Variants in ANKRD27 observed in about 807,000 individuals in gnomAD.
The protein encoded by ANKRD27 is ankyrin repeat domain 27.
Under a neutral mutation model 129.7 loss-of-function variants are expected in ANKRD27, and 112 were observed. The ratio of observed to expected loss-of-function variants is 0.86; its 90% confidence interval spans 0.74 to 1.01. ANKRD27 has a LOEUF of 1.01. Among genes scored for constraint, ANKRD27 ranks in the 50% least tolerant of loss-of-function variants. The pLI, the probability that ANKRD27 is intolerant of heterozygous loss-of-function variation, is 0.00. For missense variants in ANKRD27, 1,258 were observed against 1,300.5 expected (o/e 0.97, Z 0.50); for synonymous variants, 516 against 511.2 (o/e 1.01, Z -0.13).
chr19:32,644,223 G>T, intron 5 of ANKRD27, 102 bp downstream of exon 5: 1 of 1,319,242 alleles, frequency 7.6e-7, no homozygotes, highest in Non-Finnish European at 1.1e-6. Context: ...ACTTCAAACA[G>T]TGAGGCAGCA....
chr19:32,671,930 G>C (rs950039789), intron 1 of ANKRD27, among the ~76,000 whole-genome samples: 2 of 152,188 alleles, frequency 1.3e-5, no homozygotes, highest in African/African-American at 4.8e-5. Flanking sequence ...ATGAACAGGA[G>C]AGCCATGTGA....
At chr19:32,641,547 C>T (rs957415911) in intron 10 of ANKRD27, among the ~76,000 whole-genome samples, 1 of 152,162 alleles carries the variant, frequency 6.6e-6, no homozygotes, top group Non-Finnish European at 1.5e-5. Flanking sequence ...CCCAGAGGCT[C>T]CTGCTGTTGC....
intron 1 of ANKRD27, among the ~76,000 whole-genome samples, chr19:32,661,103 G>A (rs1967635208): frequency 1.3e-5 from 2 of 151,482 alleles, no homozygotes; most frequent in African/African-American, 4.9e-5. Context: ...AAGGAGGCTG[G>A]GGCAGGAGAA....
At chr19:32,643,721 G>C (rs1967247555) in intron 5 of ANKRD27, 90 bp from the exon 6 acceptor site, 1 of 1,330,916 alleles carries the variant, frequency 7.5e-7, no homozygotes, top group Admixed American at 1.7e-5. Context: ...AGAGCTTCAA[G>C]TGCTAACACA....
chr19:32,619,512 C>T lies in ANKRD27; in HGVS notation c.1869G>A (p.Arg623=), dbSNP rs778120571. The T allele has an allele frequency of 6.2e-7, 1 of 1,614,146 alleles. No individual in the cohort carries two copies. The highest frequency in any genetic ancestry group is 8.5e-7 in the Non-Finnish European group (1 of 1,180,032). The change falls in exon 19 of 29, where the codon AGG becomes AGA. Residue 623 remains arginine, a synonymous_variant. Coordinates refer to ENST00000306065, the MANE Select transcript of ANKRD27 (RefSeq NM_032139.3). ...GACTTACCTCGGACGACTTCTGCCT[C>T]CTCTCGAAGGACAGGTGATAGGCTT... The part of the protein sequence containing the change: ...VMEAYHLSFE[R]RQKSSEAPVQ...
At chr19:32,668,474 TC>T (rs1433294006) in intron 1 of ANKRD27, among the ~76,000 whole-genome samples, 28 of 108,088 alleles carry the variant, frequency 2.6e-4, no homozygotes, top group Non-Finnish European at 5.5e-4. Flanking sequence ...CTTATCTTCA[TC>T]TTTTTTTTTT....
In ANKRD27 at chr19:32,636,438, A is replaced by G. The variant is rs543593787; in HGVS notation, c.1116+2918T>C. 2.0e-5 allele frequency: 3 copies of G among 152,364 alleles called. No individual in the cohort carries two copies. The East Asian group carries it at 5.8e-4, about 29-fold the overall frequency. 9.4% of individuals were successfully genotyped at this position (152,364 alleles called of 1,614,324 possible). On this transcript the variant is annotated intron_variant, in intron 12 of 28. Coordinates refer to ENST00000306065, the MANE Select transcript of ANKRD27 (RefSeq NM_032139.3). ...GACTTTGGCAAAGAATCTCGGGCCA[A>G]GGATGTGATTGAGGAGTGCTTCACA...
chr19:32,606,588 T>C (rs775261054), intron 23 of ANKRD27, among the ~76,000 whole-genome samples: 5 of 152,244 alleles, frequency 3.3e-5, no homozygotes, highest in Non-Finnish European at 4.4e-5. Flanking sequence ...CTTCACCCGA[T>C]GTGCTGGGCG....
At chr19:32,648,968 G>GTT (rs67248583) in intron 3 of ANKRD27, among the ~76,000 whole-genome samples, 4,294 of 126,310 alleles carry the variant, frequency 0.034, 93 homozygotes, top group Middle Eastern at 0.075. Flanking sequence ...TTTTGGGTTT[G>GTT]TTTTTTTTTT....
chr19:32,644,616 T>A lies in ANKRD27; in HGVS notation c.371-137A>T, dbSNP rs902625494. 1.3e-5 allele frequency: 13 copies of A among 1,007,908 alleles called. No individual in the cohort carries two copies. The African/African-American group carries it at 2.1e-4, about 16-fold the overall frequency. The allele number at this position is 1,007,908 out of a possible 1,614,324, so 62.4% of individuals were successfully genotyped here. On this transcript the variant is annotated intron_variant, in intron 4 of 28. Coordinates refer to ENST00000306065, the MANE Select transcript of ANKRD27 (RefSeq NM_032139.3). ...AAGACACTACACAAGAACAGCCCAG[T>A]TACAGGACACCCTGGAGTCCAGAGA... is the stretch of plus-strand genomic sequence containing the variant.
At chr19:32,612,391 T>C (rs1208300260) in intron 22 of ANKRD27, among the ~76,000 whole-genome samples, 1 of 152,220 alleles carries the variant, frequency 6.6e-6, no homozygotes, top group Non-Finnish European at 1.5e-5. Context: ...AAAATTGATA[T>C]AGCTCAGACC....
intron 12 of ANKRD27, 130 bp downstream of exon 12, chr19:32,639,226 C>G: frequency 2.8e-6 from 3 of 1,089,784 alleles, no homozygotes; most frequent in Non-Finnish European, 4.0e-6. Context: ...GACTCACAGC[C>G]CTCAAACAGC....
chr19:32,617,273 G>T (rs779112769), intron 21 of ANKRD27, among the ~76,000 whole-genome samples: 7 of 152,196 alleles, frequency 4.6e-5, no homozygotes, highest in Non-Finnish European at 1.0e-4. Context: ...GCTGGGCAGG[G>T]TGGCTCACAC....
At chr19:32,670,178 C>T (rs553270919) in intron 1 of ANKRD27, among the ~76,000 whole-genome samples, 1 of 152,240 alleles carries the variant, frequency 6.6e-6, no homozygotes, top group African/African-American at 2.4e-5. Context: ...ACACACCACG[C>T]CCTTAACAAG....
chr19:32,652,863 G>A (rs1184443787), intron 2 of ANKRD27, among the ~76,000 whole-genome samples: 2 of 152,220 alleles, frequency 1.3e-5, no homozygotes, highest in African/African-American at 4.8e-5. Flanking sequence ...AGGAGGTGGA[G>A]GTTGCAGTGA....
intron 25 of ANKRD27, among the ~76,000 whole-genome samples, chr19:32,602,892 AAAT>A (rs895070471): frequency 2.0e-5 from 3 of 151,994 alleles, no homozygotes; most frequent in Non-Finnish European, 4.4e-5. Flanking sequence ...CTGTCTCAAA[AAAT>A]AATAATAATA....
chr19:32,617,530 G>A (rs950184858), intron 21 of ANKRD27, 59 bp downstream of exon 21: 6 of 712,528 alleles, frequency 8.4e-6, no homozygotes, highest in Non-Finnish European at 1.5e-5. Context: ...CTGGGTGACA[G>A]AACAAGACCC....
chr19:32,625,850 C>G (rs1186634764), intron 17 of ANKRD27, 24 bp downstream of exon 17: 3 of 1,543,618 alleles, frequency 1.9e-6, no homozygotes, highest in South Asian at 1.2e-5. Flanking sequence ...ACGCAGCCCC[C>G]CCGGAACAGC....
chr19:32,668,730 G>A (rs1352669844), intron 1 of ANKRD27, among the ~76,000 whole-genome samples: 5 of 151,476 alleles, frequency 3.3e-5, no homozygotes, highest in Non-Finnish European at 2.9e-5. Context: ...GATTACAGGC[G>A]TGAGCCACCG....
Sources: gnomAD v4.1 joint callset for allele counts (sites outside exome capture counted in the v4.1 genomes callset) on GRCh38, gnomAD v4.1.1 for gene constraint, MANE v1.5 for transcripts, NCBI Gene and HGNC (gene_info 2026-07-23, HGNC 2026-07-21) for gene names.